TTC27: variants seen among roughly 807,000 people sequenced by gnomAD.
TTC27 encodes tetratricopeptide repeat protein 27.
A neutral mutation model predicts 115.9 loss-of-function variants in TTC27; 79 were observed. That is an observed-to-expected ratio of 0.68 (90% CI 0.57 to 0.82). TTC27 has a LOEUF of 0.82. Ranked by LOEUF, TTC27 falls within the 40% of genes least tolerant of loss-of-function variation. TTC27 has a pLI of 0.00. For synonymous variants in TTC27, 401 were observed against 356.0 expected, an observed-to-expected ratio of 1.13 and a Z score of -1.42; for missense variants, 1,054 against 993.1, an observed-to-expected ratio of 1.06 and a Z score of -0.82.
At chr2:32,820,774 T>C (rs1330223099) in intron 19 of TTC27, 42 bp from the exon 20 acceptor site, 5 of 1,478,170 alleles carry the variant, frequency 3.4e-6, no homozygotes, top group Non-Finnish European at 4.5e-6. Context: ...TTAAAGAAAT[T>C]TGTGTTGTTT....
At chr2:32,798,577 C>G (rs545051522) in intron 16 of TTC27, among the ~76,000 whole-genome samples, 1 of 150,466 alleles carries the variant, frequency 6.6e-6, no homozygotes, top group South Asian at 2.1e-4. Context: ...TGGTGGTGGG[C>G]GCCTGTGGTC....
chr2:32,713,379 G>A (rs1667646875), intron 10 of TTC27, among the ~76,000 whole-genome samples: 1 of 152,064 alleles, frequency 6.6e-6, no homozygotes, highest in Non-Finnish European at 1.5e-5. Context: ...ATTTGTCATT[G>A]TCTTCTTTCA....
At chr2:32,788,063 T>C (rs1203763197) in intron 16 of TTC27, among the ~76,000 whole-genome samples, 2 of 152,192 alleles carry the variant, frequency 1.3e-5, no homozygotes, top group Non-Finnish European at 2.9e-5. Context: ...TTGTGACTGC[T>C]GAAAATAGTG....
At chr2:32,695,522 C>T (rs1446294630) in intron 9 of TTC27, among the ~76,000 whole-genome samples, 2 of 151,920 alleles carry the variant, frequency 1.3e-5, no homozygotes, top group East Asian at 3.9e-4. Context: ...AGTTCAAGAC[C>T]AGCCTGGCCA....
rs1345655551 is a variant in TTC27 at position 32,745,618 on chromosome 2, T to C, written c.1452+8802T>C. Among the ~76,000 whole-genome samples, 6 of 151,946 alleles carry C rather than the reference T, an allele frequency of 3.9e-5. No individual in the cohort carries two copies. The East Asian group carries it at 1.2e-3, about 29-fold the overall frequency. On this transcript the variant is annotated intron_variant, in intron 12 of 19. Coordinates refer to ENST00000317907, the MANE Select transcript of TTC27 (RefSeq NM_017735.5). ...TCTGAAGTTGCAAACTGGCAGCTTA[T>C]GGGTGAATATAGGCCAGAGAGACAG...
intron 16 of TTC27, among the ~76,000 whole-genome samples, chr2:32,788,129 A>G (rs1324359978): frequency 1.3e-5 from 2 of 152,216 alleles, no homozygotes; most frequent in African/African-American, 4.8e-5. Context: ...ACTAGGAAAG[A>G]TTTCTGAAAC....
At chr2:32,735,268 C>A (rs942299197) in intron 11 of TTC27, among the ~76,000 whole-genome samples, 1 of 152,188 alleles carries the variant, frequency 6.6e-6, no homozygotes, top group Non-Finnish European at 1.5e-5. Flanking sequence ...GGAATAGCTT[C>A]TTCATCAAGA....
intron 12 of TTC27, among the ~76,000 whole-genome samples, chr2:32,739,193 G>A (rs1668544243): frequency 6.6e-6 from 1 of 152,190 alleles, no homozygotes; most frequent in African/African-American, 2.4e-5. Context: ...CCAGTCTGAT[G>A]TAGTTCCCAT....
At chr2:32,729,017 ACACG>A (rs145637136) in intron 10 of TTC27, among the ~76,000 whole-genome samples, 1 of 146,072 alleles carries the variant, frequency 6.8e-6, no homozygotes, top group East Asian at 2.1e-4. Context: ...ACACACACAC[ACACG>A]TACAAAGATT....
At chr2:32,759,393 G>C (rs187503541) in intron 13 of TTC27, among the ~76,000 whole-genome samples, 2 of 152,128 alleles carry the variant, frequency 1.3e-5, no homozygotes, top group East Asian at 3.9e-4. Flanking sequence ...TGATTCCAGA[G>C]CCTACACTGT....
chr2:32,668,209 A>T (rs961243236), intron 7 of TTC27, among the ~76,000 whole-genome samples: 1 of 151,546 alleles, frequency 6.6e-6, no homozygotes, highest in African/African-American at 2.4e-5. Flanking sequence ...GAAAATAAAC[A>T]AAAAAACAAA....
At chr2:32,671,020 G>C (rs1665997042) in intron 7 of TTC27, among the ~76,000 whole-genome samples, 1 of 150,998 alleles carries the variant, frequency 6.6e-6, no homozygotes, top group Non-Finnish European at 1.5e-5. Flanking sequence ...TGTTTTGTCA[G>C]TATATTTGGA....
At position 32,634,140 on chromosome 2, in the gene TTC27, G is replaced by C. The variant is rs143751633; in HGVS notation, c.396+135G>C. On this transcript the variant is annotated intron_variant, in intron 3 of 19. Coordinates refer to ENST00000317907, the MANE Select transcript of TTC27 (RefSeq NM_017735.5). The stretch of plus-strand genomic sequence containing the variant: ...TTGCACAAAAGTACTAAGAATGCTT[G>C]TTCATTGATCAGATTTTCACAGATT... 235 of 1,037,500 alleles carry C rather than the reference G, an allele frequency of 2.3e-4. 1 individual carries two copies. The East Asian group carries it at 6.2e-3, about 27-fold the overall frequency. The allele number at this position is 1,037,500 out of a possible 1,614,324, so 64.3% of individuals were successfully genotyped here. A position where few individuals can be genotyped will look rare whatever the true frequency, so the allele number is the denominator to read the frequency against.
intron 9 of TTC27, among the ~76,000 whole-genome samples, chr2:32,694,691 T>C (rs66985054): frequency 0.054 from 8,097 of 150,674 alleles, 354 homozygotes; most frequent in East Asian, 0.21. Context: ...TTTTTTTTTT[T>C]CCACAAGGTT....
intron 10 of TTC27, among the ~76,000 whole-genome samples, chr2:32,725,691 A>T (rs1357998847): frequency 6.6e-6 from 1 of 152,132 alleles, no homozygotes. Flanking sequence ...TGGGGTCTGG[A>T]GGATGGTGGC....
intron 8 of TTC27, among the ~76,000 whole-genome samples, chr2:32,677,696 G>A (rs556340331): frequency 5.3e-5 from 8 of 151,636 alleles, no homozygotes; most frequent in Non-Finnish European, 1.2e-4. Flanking sequence ...TGATTCATTC[G>A]CCTGCCTCAG....
intron 10 of TTC27, among the ~76,000 whole-genome samples, chr2:32,725,569 C>A (rs1228890681): frequency 6.6e-6 from 1 of 152,166 alleles, no homozygotes; most frequent in East Asian, 1.9e-4. Context: ...ACAGCTCCAC[C>A]CCTGTGGCTT....
chr2:32,771,156 T>A (rs1352560246), intron 13 of TTC27, among the ~76,000 whole-genome samples: 1 of 152,206 alleles, frequency 6.6e-6, no homozygotes, highest in Non-Finnish European at 1.5e-5. Context: ...GCAAATCTCT[T>A]CATCTTTCTG....
At chr2:32,761,233 A>G (rs1669425683) in intron 13 of TTC27, among the ~76,000 whole-genome samples, 1 of 151,978 alleles carries the variant, frequency 6.6e-6, no homozygotes, top group African/African-American at 2.4e-5. Flanking sequence ...AATTCCTCTT[A>G]CCCGTATACC....
Sources: gnomAD v4.1 joint callset for allele counts (sites outside exome capture counted in the v4.1 genomes callset) on GRCh38, gnomAD v4.1.1 for gene constraint, MANE v1.5 for transcripts, NCBI Gene and HGNC (gene_info 2026-07-23, HGNC 2026-07-21) for gene names.